ZSCAN5A: variants seen among roughly 807,000 people sequenced by gnomAD.
The protein encoded by ZSCAN5A is zinc finger and SCAN domain containing 5A, also known as zinc finger and SCAN domain-containing protein 5A.
ZSCAN5A carries 12 observed loss-of-function variants against 23.7 expected under a neutral mutation model. The ratio of observed to expected loss-of-function variants is 0.51; its 90% CI spans 0.32 to 0.82. The LOEUF (loss-of-function observed/expected upper bound fraction) is 0.82. Among genes scored for constraint, ZSCAN5A ranks in the 40% least tolerant of loss-of-function variants. The pLI, the probability that ZSCAN5A is intolerant of heterozygous loss-of-function variation, is 0.03. For missense variants in ZSCAN5A, 597 were observed against 617.9 expected (o/e 0.97, Z 0.36); for synonymous variants, 257 against 239.9 (o/e 1.07, Z -0.66).
At position 56,222,032 on chromosome 19, in the gene ZSCAN5A, G is replaced by A. The variant is rs141546124; in HGVS notation, c.1034C>T (p.Pro345Leu). The A allele has an allele frequency of 4.0e-5, 65 of 1,614,172 alleles. No individual in the cohort carries two copies. The highest frequency in any genetic ancestry group is 2.7e-4 in the East Asian group (12 of 44,882). ...SPGPASPVSHPDGQEAKALPP... is the reference protein window; with the variant it reads ...SPGPASPVSHLDGQEAKALPP... ...CAGTGCCTTGGCTTCTTGGCCATCC[G>A]GGTGACTGACTGGGCTCGCAGGGCC... Residue 345 changes from proline to leucine, a missense_variant, in exon 6 of 6, where the codon CCG becomes CTG. Pro to Leu is a moderately conservative substitution (Grantham distance 98). Around this residue, in one of 5 missense-constraint regions of ZSCAN5A, gnomAD observed 406 missense variants for 353.2 expected, o/e 1.15. Transcript: ENST00000683990.
intron 2 of ZSCAN5A, among the ~76,000 whole-genome samples, chr19:56,285,590 G>A (rs539774040): frequency 6.6e-6 from 1 of 152,014 alleles, no homozygotes. Context: ...CATTGACTGG[G>A]ATTCCTAACA....
intron 2 of ZSCAN5A, chr19:56,283,137 G>A (rs924256503): frequency 1.3e-5 from 2 of 152,080 alleles, no homozygotes; most frequent in Admixed American, 6.6e-5. Context: ...GTGAACTTAC[G>A]GTTGCAAAAC....
At position 56,352,504 on chromosome 19, in the gene ZSCAN5A, G is replaced by C. The variant is rs956587241; in HGVS notation, c.-358+10731C>G. On this transcript the variant is annotated intron_variant, in intron 2 of 6. Transcript: ENST00000587340. The surrounding 1 kb of genome is among the most constrained non-coding windows in gnomAD (Gnocchi z 4.2). ...GAATGTGAGACTGTTAGATGTAAAA[G>C]AAAAAATATTCTGACACTTGGGTAA... 3.3e-5 allele frequency among the ~76,000 whole-genome samples: 5 copies of C among 152,128 alleles called. No homozygotes were observed. The highest frequency in any genetic ancestry group is 5.9e-5 in the Non-Finnish European group (4 of 68,012).
At chr19:56,302,608 TCTCCCTCTTCCTCC>T (rs1393987659) in intron 2 of ZSCAN5A, among the ~76,000 whole-genome samples, 59 of 62,146 alleles carry the variant, frequency 9.5e-4, no homozygotes, top group East Asian at 3.6e-3. Context: ...CTCTTCTTCC[TCTCCCTCTTCCTCC>T]CTCCCTCCTC....
chr19:56,310,634 T>A (rs958613451), intron 2 of ZSCAN5A, among the ~76,000 whole-genome samples: 1 of 152,244 alleles, frequency 6.6e-6, no homozygotes. Context: ...TTTGACCCAG[T>A]TGGACTCATT....
intron 2 of ZSCAN5A, among the ~76,000 whole-genome samples, chr19:56,301,680 C>A (rs988278836): frequency 2.0e-5 from 3 of 152,122 alleles, no homozygotes; most frequent in African/African-American, 7.2e-5. Flanking sequence ...CTGGTTCAAA[C>A]CCCTCTGACA....
chr19:56,225,708 A>G (rs1029514613), intron 2 of ZSCAN5A, among the ~76,000 whole-genome samples: 1 of 152,212 alleles, frequency 6.6e-6, no homozygotes, highest in African/African-American at 2.4e-5. Flanking sequence ...GTACATTCAT[A>G]AATTTCATCA....
At chr19:56,314,384 G>A (rs2041235080) in intron 1 of ZSCAN5A, 1 of 152,250 alleles carries the variant, frequency 6.6e-6, no homozygotes, top group African/African-American at 2.4e-5. Flanking sequence ...GGAAAAAAGA[G>A]TGAATCAATT....
chr19:56,341,198 G>T (rs1004403925), intron 2 of ZSCAN5A: 2 of 152,120 alleles, frequency 1.3e-5, no homozygotes, highest in African/African-American at 4.8e-5. Flanking sequence ...AAGGCATGAA[G>T]AAAAGATTAG....
In ZSCAN5A at chr19:56,289,969, T is replaced by C. The variant is rs147369592; in HGVS notation, c.-128+23314A>G. 4.5e-4 allele frequency among the ~76,000 whole-genome samples: 68 copies of C among 152,246 alleles called. No homozygotes were observed. In the East Asian group the frequency reaches 0.011, roughly 26 times the overall value. On this transcript the variant is annotated intron_variant, in intron 2 of 5. Transcript: ENST00000683990. ...TGTTATTTTTGCTCATTAGAAGGAG[T>C]TGAAGAAAACGAATACTGGAGAACC...
intron 2 of ZSCAN5A, among the ~76,000 whole-genome samples, chr19:56,273,331 C>T (rs1338624103): frequency 1.3e-5 from 2 of 152,172 alleles, no homozygotes; most frequent in Admixed American, 6.5e-5. Flanking sequence ...ACTTTTGCGA[C>T]GTAAAGACAC....
chr19:56,321,169 G>T, intron 2 of ZSCAN5A: 1 of 658,288 alleles, frequency 1.5e-6, no homozygotes, highest in Admixed American at 1.9e-5. Flanking sequence ...TCACAGCTCA[G>T]GTAATTACGT....
intron 2 of ZSCAN5A, among the ~76,000 whole-genome samples, chr19:56,225,874 A>G (rs113523344): frequency 0.028 from 1,573 of 55,532 alleles, 26 homozygotes; most frequent in African/African-American, 0.095. Context: ...CCCAGCCCCT[A>G]GCAATCACTA....
At chr19:56,336,038 T>C (rs986443605) in intron 2 of ZSCAN5A, among the ~76,000 whole-genome samples, 6 of 152,370 alleles carry the variant, frequency 3.9e-5, no homozygotes, top group Non-Finnish European at 7.3e-5. Flanking sequence ...ATTTCAACTT[T>C]GGTGAATCTG....
At chr19:56,292,944 C>T (rs1266987724) in intron 2 of ZSCAN5A, among the ~76,000 whole-genome samples, 1 of 152,214 alleles carries the variant, frequency 6.6e-6, no homozygotes, top group Non-Finnish European at 1.5e-5. Flanking sequence ...GGATAGACTG[C>T]ATTTTTTAAT....
chr19:56,245,898 T>C (rs1568640453), intron 2 of ZSCAN5A, among the ~76,000 whole-genome samples: 1 of 152,006 alleles, frequency 6.6e-6, no homozygotes, highest in African/African-American at 2.4e-5. Context: ...TGATAGCATC[T>C]AGAGGGTGGA....
At chr19:56,309,883 T>C (rs923461236) in intron 2 of ZSCAN5A, among the ~76,000 whole-genome samples, 1 of 152,100 alleles carries the variant, frequency 6.6e-6, no homozygotes, top group Non-Finnish European at 1.5e-5. Flanking sequence ...GGGGCAGAGC[T>C]AGGGTCCATA....
At chr19:56,282,594 T>A in intron 2 of ZSCAN5A, 1 of 772,134 alleles carries the variant, frequency 1.3e-6, no homozygotes, top group Non-Finnish European at 1.6e-6. Flanking sequence ...GTTTCTTCTC[T>A]GGTCTGTTCA....
chr19:56,302,546 TTCCTCCCTCCCTCCCCC>T (rs2040357584), intron 2 of ZSCAN5A, among the ~76,000 whole-genome samples: 1 of 52,038 alleles, frequency 1.9e-5, no homozygotes, highest in African/African-American at 5.7e-5. Flanking sequence ...TTCCTCCCCG[TTCCTCCCTCCCTCCCCC>T]CTTCCTTTTC....
Sources: gnomAD v4.1 joint callset for allele counts (sites outside exome capture counted in the v4.1 genomes callset) on GRCh38, gnomAD v4.1.1 for gene constraint, gnomAD v4.1.1 regional missense constraint, Gnocchi (gnomAD v3.1) non-coding constraint, MANE v1.5 for transcripts, NCBI Gene and HGNC (gene_info 2026-07-23, HGNC 2026-07-21) for gene names.